Variants in CCDC148 observed in about 807,000 individuals in gnomAD.
CCDC148 encodes the protein coiled-coil domain-containing protein 148.
CCDC148 carries 89 observed loss-of-function variants against 85.7 expected under a neutral mutation model. The observed-to-expected ratio is 1.04, with a 90% CI of 0.87 to 1.24. The LOEUF is 1.24. Ranked by LOEUF, CCDC148 falls within the 50% of genes most tolerant of loss-of-function variation. The pLI is 0.00. For missense variants in CCDC148, 692 were observed against 671.7 expected (o/e 1.03, Z -0.33); for synonymous variants, 230 against 213.9 (o/e 1.08, Z -0.66).
intron 9 of CCDC148, among the ~76,000 whole-genome samples, chr2:158,285,322 A>C (rs1245654544): frequency 6.6e-6 from 1 of 151,962 alleles, no homozygotes; most frequent in South Asian, 2.1e-4. Context: ...GTATGAGATT[A>C]ACGGCAGATG....
At chr2:158,428,386 G>C (rs758433443) in intron 1 of CCDC148, among the ~76,000 whole-genome samples, 1 of 152,146 alleles carries the variant, frequency 6.6e-6, no homozygotes, top group Non-Finnish European at 1.5e-5. Context: ...AGCACAACTA[G>C]ATGGGATGGA....
chr2:158,223,392 G>T (rs1266905007), intron 10 of CCDC148, among the ~76,000 whole-genome samples: 1 of 152,170 alleles, frequency 6.6e-6, no homozygotes, highest in African/African-American at 2.4e-5. Context: ...TCCACTCTAG[G>T]GGCAGGGCAT....
chr2:158,191,177 CCA>C (rs1319854192), intron 11 of CCDC148, among the ~76,000 whole-genome samples: 2 of 151,968 alleles, frequency 1.3e-5, no homozygotes, highest in Non-Finnish European at 2.9e-5. Flanking sequence ...ACAAAAGAAA[CCA>C]CAGTCTTCTC....
chr2:158,294,095 C>G (rs1398943253), intron 9 of CCDC148, among the ~76,000 whole-genome samples: 2 of 147,142 alleles, frequency 1.4e-5, no homozygotes, highest in Non-Finnish European at 3.0e-5. Flanking sequence ...ATCCCCACCC[C>G]GCCAAGTCCT....
At chr2:158,285,773 T>C (rs1035137040) in intron 9 of CCDC148, among the ~76,000 whole-genome samples, 1 of 151,816 alleles carries the variant, frequency 6.6e-6, no homozygotes, top group Non-Finnish European at 1.5e-5. Context: ...CCTGACCTCA[T>C]GATCCACCCG....
intron 1 of CCDC148, among the ~76,000 whole-genome samples, chr2:158,398,153 C>A (rs1347796770): frequency 6.6e-6 from 1 of 152,084 alleles, no homozygotes; most frequent in Non-Finnish European, 1.5e-5. Context: ...TACAAAGAGA[C>A]TTAGCCTCCC....
intron 9 of CCDC148, among the ~76,000 whole-genome samples, chr2:158,296,586 C>T (rs189721563): frequency 8.5e-5 from 13 of 152,264 alleles, no homozygotes; most frequent in Non-Finnish European, 2.9e-5. Context: ...AAAATGCAAA[C>T]ATCTATATTC....
chr2:158,298,475 T>C (rs1691297691), intron 9 of CCDC148, among the ~76,000 whole-genome samples: 1 of 152,162 alleles, frequency 6.6e-6, no homozygotes, highest in Non-Finnish European at 1.5e-5. Context: ...TCTGGAACTT[T>C]AATTACATAT....
At chr2:158,369,299 C>T (rs936641512) in intron 1 of CCDC148, among the ~76,000 whole-genome samples, 1 of 152,020 alleles carries the variant, frequency 6.6e-6, no homozygotes, top group Non-Finnish European at 1.5e-5. Flanking sequence ...TTCCTCCTAT[C>T]CATGAGCATG....
chr2:158,237,768 TAC>T (rs1485673242), intron 10 of CCDC148, among the ~76,000 whole-genome samples: 1 of 152,152 alleles, frequency 6.6e-6, no homozygotes, highest in Non-Finnish European at 1.5e-5. Context: ...CTGAGATCAT[TAC>T]AGAGTACACA....
intron 10 of CCDC148, among the ~76,000 whole-genome samples, chr2:158,235,453 T>C (rs1257440342): frequency 1.3e-5 from 2 of 152,188 alleles, no homozygotes; most frequent in African/African-American, 4.8e-5. Flanking sequence ...TACAATCTCA[T>C]AAGAAGATTG....
intron 9 of CCDC148, among the ~76,000 whole-genome samples, chr2:158,263,752 C>A (rs16842837): frequency 0.05 from 7,544 of 151,974 alleles, 231 homozygotes; most frequent in African/African-American, 0.065. Context: ...GTACATTTAC[C>A]TAACAAGGCA....
intron 1 of CCDC148, among the ~76,000 whole-genome samples, chr2:158,423,438 A>G (rs58375825): frequency 0.074 from 11,302 of 152,278 alleles, 561 homozygotes; most frequent in Middle Eastern, 0.14. Flanking sequence ...CTGATCTTTG[A>G]CAAACCTGAC....
At chr2:158,284,119 A>C in intron 9 of CCDC148, among the ~76,000 whole-genome samples, 2 of 105,228 alleles carry the variant, frequency 1.9e-5, no homozygotes, top group Non-Finnish European at 1.8e-5. Flanking sequence ...CACTCTGGGG[A>C]CTGTTGTGGG....
chr2:158,394,852 C>T (rs978186724), intron 1 of CCDC148, among the ~76,000 whole-genome samples: 6 of 151,994 alleles, frequency 3.9e-5, no homozygotes, highest in African/African-American at 1.2e-4. Flanking sequence ...CACCCTCCTC[C>T]AACGCCAAAA....
At chr2:158,208,411 T>C (rs1034490710) in intron 11 of CCDC148, among the ~76,000 whole-genome samples, 22 of 152,196 alleles carry the variant, frequency 1.4e-4, no homozygotes, top group African/African-American at 4.6e-4. Context: ...TGAGGCCTGA[T>C]GCTTGCTTTC....
chr2:158,431,173 A>G (rs77091901), intron 1 of CCDC148, among the ~76,000 whole-genome samples: 38,118 of 151,854 alleles, frequency 0.25, 6,075 homozygotes, highest in Middle Eastern at 0.37. Flanking sequence ...TTAAAAAATA[A>G]AAGTCAAAAT....
chr2:158,339,041 A>G lies in CCDC148; in HGVS notation c.531T>C (p.Leu177=). 6.2e-7 allele frequency: 1 copy of G among 1,613,932 alleles called. No homozygotes were observed. Among genetic ancestry groups the G allele is most frequent in the Admixed American group, 1.7e-5 (1 of 60,010 alleles). The stretch of plus-strand genomic sequence containing the variant: ...TTTCTATTCTCTGTTGCTCCAGCCT[A>G]AGTCTTTCAAAGACAGTTTTCAATT... The part of the protein sequence containing the change: ...KKQLKTVFER[L]RLEQQRIEND... The change falls in exon 6 of 14, where the codon CTT becomes CTC. Residue 177 remains leucine, a synonymous_variant. Coordinates refer to ENST00000283233, the MANE Select transcript of CCDC148 (RefSeq NM_138803.4).
At chr2:158,285,202 C>T (rs1017426296) in intron 9 of CCDC148, among the ~76,000 whole-genome samples, 9 of 150,914 alleles carry the variant, frequency 6.0e-5, no homozygotes, top group African/African-American at 1.5e-4. Flanking sequence ...GCAGGAGAAT[C>T]GCTTGAACCT....
Sources: allele counts gnomAD v4.1 joint callset (sites outside exome capture counted in the v4.1 genomes callset), GRCh38; gene constraint gnomAD v4.1.1; transcripts MANE v1.5; gene names NCBI Gene and HGNC (gene_info 2026-07-23, HGNC 2026-07-21).